The following IDO2 variants were observed in gnomAD, a reference collection of about 807,000 sequenced individuals.
The protein encoded by IDO2 is indoleamine 2,3-dioxygenase-like 1 protein.
A neutral mutation model predicts 45.1 loss-of-function variants in IDO2; 46 were observed. That is an observed-to-expected ratio of 1.02 (90% CI 0.80 to 1.30). The LOEUF (loss-of-function observed/expected upper bound fraction) is 1.30, where lower values mean the gene tolerates loss of function less well. Among genes scored for constraint, IDO2 ranks in the 50% most tolerant of loss-of-function variants. The probability of loss-of-function intolerance (pLI) is 0.00; values close to 1 mark genes in which losing one functional copy is unlikely to be tolerated. For synonymous variants in IDO2, 218 were observed against 184.9 expected (o/e 1.18, Z -1.45); for missense variants, 544 against 491.8 (o/e 1.11, Z -1.00).
chr8:39,940,178 T>C (rs1487947211), intron 1 of IDO2, among the ~76,000 whole-genome samples: 1 of 152,192 alleles, frequency 6.6e-6, no homozygotes, highest in Non-Finnish European at 1.5e-5. Flanking sequence ...CTGAGTTTCT[T>C]ACTGCGTGGT....
chr8:39,935,458 G>A (rs1807531432), intron 1 of IDO2, among the ~76,000 whole-genome samples: 2 of 126,698 alleles, frequency 1.6e-5, no homozygotes, highest in Non-Finnish European at 3.7e-5. Flanking sequence ...TGTTGTTGTT[G>A]TTGTTGTTTT....
chr8:39,993,287 T>C (rs1479050605), intron 8 of IDO2, among the ~76,000 whole-genome samples: 1 of 152,112 alleles, frequency 6.6e-6, no homozygotes, highest in Non-Finnish European at 1.5e-5. Flanking sequence ...TAGGAAGTAA[T>C]GTTCTTCTTG....
chr8:39,952,518 C>A (rs1442731796), intron 2 of IDO2, among the ~76,000 whole-genome samples: 1 of 152,180 alleles, frequency 6.6e-6, no homozygotes. Flanking sequence ...TATTCTATCC[C>A]ACTGTTTCTG....
At chr8:39,989,737 C>A (rs768497982) in exon 8 of IDO2, 1 of 1,593,722 alleles carries the variant, frequency 6.3e-7, no homozygotes, top group Non-Finnish European at 8.5e-7. Context: ...GTTCAGGCCA[C>A]GAATGCTATC....
At chr8:39,989,737 C>T (rs768497982) in exon 8 of IDO2, 10 of 1,593,602 alleles carry the variant, frequency 6.3e-6, no homozygotes, top group East Asian at 2.3e-5. Context: ...GTTCAGGCCA[C>T]GAATGCTATC....
intron 3 of IDO2, among the ~76,000 whole-genome samples, chr8:39,976,278 A>C (rs1190213781): frequency 6.6e-6 from 1 of 152,174 alleles, no homozygotes; most frequent in South Asian, 2.1e-4. Context: ...TGCCTGGCCA[A>C]TAATATATTG....
intron 3 of IDO2, among the ~76,000 whole-genome samples, chr8:39,972,915 T>C (rs994772168): frequency 1.3e-5 from 2 of 152,214 alleles, no homozygotes; most frequent in African/African-American, 2.4e-5. Context: ...ATAATGTACA[T>C]TGTTTTTCTA....
intron 8 of IDO2, among the ~76,000 whole-genome samples, chr8:39,993,447 G>C (rs920377064): frequency 6.6e-6 from 1 of 152,072 alleles, no homozygotes; most frequent in African/African-American, 2.4e-5. Context: ...ATGAGGAGTC[G>C]AAGGGTTTCT....
At chr8:39,947,866 C>A (rs1450225196) in intron 1 of IDO2, among the ~76,000 whole-genome samples, 3 of 151,500 alleles carry the variant, frequency 2.0e-5, no homozygotes, top group Non-Finnish European at 2.9e-5. Context: ...CGGCTCACTG[C>A]AACCTCCACC....
chr8:39,941,221 CAA>C (rs59745370), intron 1 of IDO2, among the ~76,000 whole-genome samples: 3 of 80,578 alleles, frequency 3.7e-5, no homozygotes, highest in African/African-American at 1.2e-4. Context: ...GACTCCATCT[CAA>C]AAAAAAAAAA....
In IDO2 at chr8:39,966,137, T is replaced by A. The variant is rs1401275732; in HGVS notation, c.195+2434T>A. 1.8e-4 allele frequency among the ~76,000 whole-genome samples: 27 copies of A among 149,376 alleles called. No individual in the cohort carries two copies. The Admixed American group carries it at 1.8e-3, about 10-fold the overall frequency. ...TCCAGCTCCCAGGTTCAAGCAATTC[T>A]CCTGCCTCAGCCTCCTGAGTAGCTG... is the stretch of plus-strand genomic sequence containing the variant. On this transcript the variant is annotated intron_variant, in intron 3 of 10. Coordinates refer to ENST00000502986, the Ensembl canonical transcript of IDO2.
chr8:39,945,171 C>T (rs1324686866), intron 1 of IDO2, among the ~76,000 whole-genome samples: 2 of 152,228 alleles, frequency 1.3e-5, no homozygotes, highest in Non-Finnish European at 2.9e-5. Context: ...GTCTGGGAAG[C>T]ATTGCCTCTG....
intron 1 of IDO2, among the ~76,000 whole-genome samples, chr8:39,947,993 A>C (rs561246208): frequency 2.0e-5 from 3 of 152,146 alleles, no homozygotes; most frequent in Admixed American, 2.0e-4. Context: ...CTCCATGATG[A>C]GGCTGGTCTC....
rs755830973 is a variant in IDO2, at chr8:39,982,769, G to A, written c.433G>A (p.Gly145Arg). ...GAACTGGACCAAAAAAGATCCAGAC[G>A]GGTAAGGAAGGAAGAGAATGCTTTG... The change falls in exon 5 of 11, where the codon GGA becomes AGA. Residue 145 changes from glycine (G) to arginine (R), a missense_variant and splice_region_variant. Gly to Arg is a moderately radical substitution (Grantham distance 125). Transcript: ENST00000502986. The A allele has an allele frequency of 1.1e-5, 17 of 1,553,470 alleles. No homozygotes were observed. Among genetic ancestry groups the A allele is most frequent in the Middle Eastern group, 1.7e-4 (1 of 5,926 alleles).
At chr8:39,952,917 A>T (rs1338920174) in intron 2 of IDO2, among the ~76,000 whole-genome samples, 2 of 151,892 alleles carry the variant, frequency 1.3e-5, no homozygotes, top group African/African-American at 4.8e-5. Flanking sequence ...TACAGGCATG[A>T]GCCACCATGC....
At chr8:40,004,278 C>T (rs888194968) in intron 8 of IDO2, among the ~76,000 whole-genome samples, 21 of 152,098 alleles carry the variant, frequency 1.4e-4, no homozygotes, top group African/African-American at 3.9e-4. Flanking sequence ...CTCATGGACA[C>T]TTCAGAGAAA....
intron 9 of IDO2, among the ~76,000 whole-genome samples, chr8:40,012,294 C>T (rs187404453): frequency 5.9e-4 from 90 of 152,206 alleles, no homozygotes; most frequent in African/African-American, 2.0e-3. Flanking sequence ...GAGGAAAAGA[C>T]GATATTCCTT....
At chr8:40,002,740 A>C (rs1422707050) in intron 8 of IDO2, among the ~76,000 whole-genome samples, 4 of 152,110 alleles carry the variant, frequency 2.6e-5, no homozygotes, top group Non-Finnish European at 5.9e-5. Flanking sequence ...CGATCATGCC[A>C]CTGTACTCCA....
chr8:40,013,757 G>T, intron 10 of IDO2, 44 bp downstream of exon 10: 2 of 1,323,878 alleles, frequency 1.5e-6, no homozygotes, highest in Non-Finnish European at 2.0e-6. Context: ...GAGGGAGGAA[G>T]AGGAGAGGTG....
Sources: gnomAD v4.1 joint callset for allele counts (sites outside exome capture counted in the v4.1 genomes callset) on GRCh38, gnomAD v4.1.1 for gene constraint, MANE v1.5 for transcripts, NCBI Gene and HGNC (gene_info 2026-07-23, HGNC 2026-07-21) for gene names.